UBE2E2: variants seen among roughly 807,000 people sequenced by gnomAD.
UBE2E2 encodes the protein ubiquitin conjugating enzyme E2 E2.
Under a neutral mutation model 24.7 loss-of-function variants are expected in UBE2E2, and 6 were observed. That is an observed-to-expected ratio of 0.24 (90% CI 0.13 to 0.48). The LOEUF is 0.48. UBE2E2 is among the 20% of genes least tolerant of loss of function. The pLI, the probability that UBE2E2 is intolerant of heterozygous loss-of-function variation, is 0.99. For missense variants in UBE2E2, 169 were observed against 245.0 expected, an observed-to-expected ratio of 0.69 and a Z score of 2.07; for synonymous variants, 104 against 83.6, an observed-to-expected ratio of 1.24 and a Z score of -1.33.
chr3:23,362,866 C>T (rs1696156557), intron 3 of UBE2E2, among the ~76,000 whole-genome samples: 1 of 152,198 alleles, frequency 6.6e-6, no homozygotes, highest in Non-Finnish European at 1.5e-5. Context: ...GTGCAGCCTA[C>T]TGTTGCTTGT....
chr3:23,555,702 C>A (rs1047932644), intron 5 of UBE2E2, among the ~76,000 whole-genome samples: 20 of 152,154 alleles, frequency 1.3e-4, no homozygotes, highest in African/African-American at 4.1e-4. Flanking sequence ...GAATATTATT[C>A]AGCCTTTAAA....
At chr3:23,378,245 A>AAAAT (rs1696574280) in intron 3 of UBE2E2, among the ~76,000 whole-genome samples, 1 of 146,162 alleles carries the variant, frequency 6.8e-6, no homozygotes, top group Admixed American at 7.5e-5. Context: ...GTAAAAAAAA[A>AAAAT]AAAAAAAAAA....
intron 5 of UBE2E2, among the ~76,000 whole-genome samples, chr3:23,566,983 A>G (rs563622328): frequency 1.3e-5 from 2 of 152,326 alleles, no homozygotes; most frequent in East Asian, 1.9e-4. Flanking sequence ...CTGTGTCCCA[A>G]GCTCAAGAAA....
intron 3 of UBE2E2, among the ~76,000 whole-genome samples, chr3:23,366,717 A>G (rs1427675227): frequency 6.6e-6 from 1 of 152,106 alleles, no homozygotes; most frequent in Non-Finnish European, 1.5e-5. Context: ...CCCCTGTGAC[A>G]TGCAATTTAC....
intron 3 of UBE2E2, among the ~76,000 whole-genome samples, chr3:23,282,770 A>C (rs182296140): frequency 1.3e-5 from 2 of 152,162 alleles, no homozygotes; most frequent in Non-Finnish European, 2.9e-5. Flanking sequence ...AACTTTTTAT[A>C]CTAGATACAC....
At chr3:23,223,698 AT>A (rs565337340) in intron 3 of UBE2E2, among the ~76,000 whole-genome samples, 217 of 152,040 alleles carry the variant, frequency 1.4e-3, no homozygotes, top group African/African-American at 4.9e-3. Context: ...CCAGTTGTAT[AT>A]TTTTGCTTTG....
chr3:23,520,522 C>G (rs1192556664), intron 4 of UBE2E2, among the ~76,000 whole-genome samples: 1 of 152,236 alleles, frequency 6.6e-6, no homozygotes, highest in African/African-American at 2.4e-5. Flanking sequence ...TACTCTGCTA[C>G]TTTCAAAGAA....
chr3:23,267,474 C>G (rs1047590890), intron 3 of UBE2E2, among the ~76,000 whole-genome samples: 2 of 152,108 alleles, frequency 1.3e-5, no homozygotes, highest in Non-Finnish European at 2.9e-5. Flanking sequence ...ATAAATTCCT[C>G]GACACATACA....
At chr3:23,422,378 A>T (rs576527760) in intron 3 of UBE2E2, among the ~76,000 whole-genome samples, 2 of 152,298 alleles carry the variant, frequency 1.3e-5, no homozygotes, top group Non-Finnish European at 2.9e-5. Flanking sequence ...CATCTGAAGG[A>T]AGAATCTACT....
rs998393676 is a variant in UBE2E2 at position 23,532,451 on chromosome 3, A to G, written c.361-103A>G. The G allele has an allele frequency of 6.7e-6, 7 of 1,049,360 alleles. No individual in the cohort carries two copies. In the African/African-American group the frequency reaches 9.6e-5, roughly 14 times the overall value. 65.0% of individuals were successfully genotyped at this position (1,049,360 alleles called of 1,614,324 possible). ...TGTATGTTAACCAATAGCCTGGGCTATTTTGTCTGATAAAATAGGCAATTT... is the reference window on the plus strand; with the variant it reads ...TGTATGTTAACCAATAGCCTGGGCTGTTTTGTCTGATAAAATAGGCAATTT... On this transcript the variant is annotated intron_variant, in intron 4 of 5. Coordinates refer to ENST00000396703, the MANE Select transcript of UBE2E2 (RefSeq NM_152653.4).
chr3:23,341,529 T>G (rs1695387309), intron 3 of UBE2E2, among the ~76,000 whole-genome samples: 1 of 152,190 alleles, frequency 6.6e-6, no homozygotes, highest in South Asian at 2.1e-4. Flanking sequence ...GCTAAAGGTT[T>G]GAGTGTAGGT....
chr3:23,357,438 C>G (rs774701057), intron 3 of UBE2E2, among the ~76,000 whole-genome samples: 1 of 152,022 alleles, frequency 6.6e-6, no homozygotes, highest in Non-Finnish European at 1.5e-5. Context: ...TCTGCATACA[C>G]ATAAATGAGA....
At chr3:23,431,468 G>A (rs1395479173) in intron 3 of UBE2E2, among the ~76,000 whole-genome samples, 1 of 150,718 alleles carries the variant, frequency 6.6e-6, no homozygotes, top group Non-Finnish European at 1.5e-5. Flanking sequence ...AAAATGCTAT[G>A]AGTACAATAT....
intron 3 of UBE2E2, among the ~76,000 whole-genome samples, chr3:23,304,193 A>G (rs12636682): frequency 0.33 from 50,835 of 152,062 alleles, 8,716 homozygotes; most frequent in South Asian, 0.38. Context: ...GGGCAGGTCA[A>G]AGACGTAAGT....
rs565975700 is a variant in UBE2E2, at chr3:23,311,590, C to T, written c.227+94278C>T. 7.9e-5 allele frequency among the ~76,000 whole-genome samples: 12 copies of T among 152,202 alleles called. No individual in the cohort carries two copies. In the South Asian group the frequency reaches 2.3e-3, roughly 29 times the overall value. On this transcript the variant is annotated intron_variant, in intron 3 of 5. Coordinates refer to ENST00000396703, the MANE Select transcript of UBE2E2 (RefSeq NM_152653.4). ...ACAACCTTGGTCAGTTGCTTACATT[C>T]TCTGTGCTTTAGTTTCTTAATCTGG...
intron 4 of UBE2E2, among the ~76,000 whole-genome samples, chr3:23,519,525 G>T (rs1459782562): frequency 6.6e-6 from 1 of 152,156 alleles, no homozygotes; most frequent in Non-Finnish European, 1.5e-5. Context: ...AATATTCTGT[G>T]TGCTGAGATT....
chr3:23,270,105 C>T (rs1190225729), intron 3 of UBE2E2, among the ~76,000 whole-genome samples: 1 of 151,710 alleles, frequency 6.6e-6, no homozygotes, highest in Non-Finnish European at 1.5e-5. Context: ...CAGGTCCCTG[C>T]CTCTGGGTCC....
At chr3:23,520,933 A>C (rs1285770557) in intron 4 of UBE2E2, among the ~76,000 whole-genome samples, 1 of 151,788 alleles carries the variant, frequency 6.6e-6, no homozygotes, top group Non-Finnish European at 1.5e-5. Context: ...GTTAGCCACC[A>C]AGCCCAGCTC....
At chr3:23,503,644 A>C (rs992946635) in intron 4 of UBE2E2, among the ~76,000 whole-genome samples, 1 of 151,924 alleles carries the variant, frequency 6.6e-6, no homozygotes, top group African/African-American at 2.4e-5. Context: ...ATTTGAGATC[A>C]GGAGTTCGAG....
Sources: allele counts gnomAD v4.1 joint callset (sites outside exome capture counted in the v4.1 genomes callset), GRCh38; gene constraint gnomAD v4.1.1; transcripts MANE v1.5; gene names NCBI Gene and HGNC (gene_info 2026-07-23, HGNC 2026-07-21).